The following MYH1 variants were observed in gnomAD, a reference collection of about 807,000 sequenced individuals.
MYH1 encodes the protein myosin-1.
In MYH1, 214 loss-of-function variants were observed where a neutral mutation model predicts 225.6. The observed-to-expected ratio is 0.95, with a 90% confidence interval of 0.85 to 1.06. MYH1 has a LOEUF of 1.06. MYH1 is among the 50% of genes least tolerant of loss of function. The pLI is 0.00. For missense variants in MYH1, 2,098 were observed against 2,344.2 expected (o/e 0.89, Z 2.17); for synonymous variants, 774 against 842.3 (o/e 0.92, Z 1.40).
intron 5 of MYH1, 123 bp from the exon 6 acceptor site, chr17:10,515,018 G>T (rs2073211398): frequency 1.2e-6 from 1 of 835,258 alleles, no homozygotes; most frequent in Non-Finnish European, 2.0e-6. Context: ...ATATATTATG[G>T]TAAAGTTATG....
At position 10,512,135 on chromosome 17, in the gene MYH1, A is replaced by G. The variant is rs140537021; in HGVS notation, c.1205T>C (p.Leu402Pro). Residue 402 changes from leucine to proline, a missense_variant, in exon 13 of 40, where the codon CTC (leucine) becomes CCC (proline). Coordinates refer to ENST00000226207, the MANE Select transcript of MYH1 (RefSeq NM_005963.4). ...GCCGACCTTGACCCTAGGGTAGCAGAGGGCTTTGAGCAGATCTGCAGAGTT... is the reference window on the plus strand; with the variant it reads ...GCCGACCTTGACCCTAGGGTAGCAGGGGGCTTTGAGCAGATCTGCAGAGTT... ...NLNSADLLKA[L>P]CYPRVKVGNE... is the part of the protein sequence containing the mutation. 1 of 1,614,062 alleles carries G rather than the reference A, an allele frequency of 6.2e-7. No homozygotes were observed. Among genetic ancestry groups the G allele is most frequent in the African/African-American group, 1.3e-5 (1 of 74,934 alleles).
In MYH1 at chr17:10,501,413, C is replaced by T. The variant is rs548825820; in HGVS notation, c.3435G>A (p.Arg1145=). 6.2e-7 allele frequency: 1 copy of T among 1,614,220 alleles called. No homozygotes were observed. The highest frequency in any genetic ancestry group is 1.3e-5 in the African/African-American group (1 of 75,062). The change falls in exon 27 of 40, where the codon CGG becomes CGA. Residue 1145 remains arginine, a synonymous_variant. Coordinates refer to ENST00000226207, the MANE Select transcript of MYH1 (RefSeq NM_005963.4). ...GCCTCTCGCTGATCTCCTCCAGCTC[C>T]CGGGAGAGATCAGAGCGCTGCTTCT... is the stretch of plus-strand genomic sequence containing the variant. ...KAEKQRSDLS[R]ELEEISERLE...
Position 10,508,472 on chromosome 17 carries a change from C to T in MYH1, c.1788G>A (p.Trp596Ter). Reference sequence around the variant, plus strand: ...TCAGGGGGTCCTTGTTCTTGTCAAGCCAGCCGGCAATGTTGTAGTCCACGG... The same window carrying T: ...TCAGGGGGTCCTTGTTCTTGTCAAGTCAGCCGGCAATGTTGTAGTCCACGG... ...AGTVDYNIAG[W>*]LDKNKDPLNE... The change falls in exon 16 of 40, where the codon TGG (tryptophan) becomes TGA (stop). Residue 596 changes from tryptophan to a stop codon, truncating the protein, a stop_gained. Transcript: ENST00000226207. LOFTEE classifies it high-confidence loss of function. 1 of 1,614,190 alleles carries T rather than the reference C, an allele frequency of 6.2e-7. No individual in the cohort carries two copies. The highest frequency in any genetic ancestry group is 8.5e-7 in the Non-Finnish European group (1 of 1,180,032).
chr17:10,515,837 G>A (rs1166261575), intron 5 of MYH1, 89 bp downstream of exon 5: 2 of 1,602,560 alleles, frequency 1.2e-6, no homozygotes, highest in African/African-American at 2.7e-5. Context: ...CGTGAATTGG[G>A]TTTTTTTCTA....
intron 12 of MYH1, 60 bp downstream of exon 12, chr17:10,512,348 T>G: frequency 5.0e-6 from 8 of 1,613,714 alleles, no homozygotes; most frequent in Non-Finnish European, 6.8e-6. Flanking sequence ...ACTTGAATTT[T>G]GGAATGGACA....
rs2073100864 is a variant in MYH1, at chr17:10,505,370, G to A, written c.2298+18C>T. ...AAAGGGACAGGAATAGCATCAGGTA[G>A]GATTTACAGAATATTACCTTGGTGT... On this transcript the variant is annotated intron_variant, in intron 20 of 39. Coordinates refer to ENST00000226207, the MANE Select transcript of MYH1 (RefSeq NM_005963.4). The A allele has an allele frequency of 6.2e-7, 1 of 1,614,088 alleles. No individual in the cohort carries two copies. Among genetic ancestry groups the A allele is most frequent in the Admixed American group, 1.7e-5 (1 of 59,998 alleles).
rs773412810 is a variant in MYH1, at chr17:10,516,348, C to T, written c.205-6G>A. 2 of 1,613,970 alleles carry T rather than the reference C, an allele frequency of 1.2e-6. No individual in the cohort carries two copies. Among genetic ancestry groups the T allele is most frequent in the African/African-American group, 2.7e-5 (2 of 74,896 alleles). On this transcript the variant is annotated splice_region_variant and splice_polypyrimidine_tract_variant and intron_variant, in intron 3 of 39. Coordinates refer to ENST00000226207, the MANE Select transcript of MYH1 (RefSeq NM_005963.4). ...TCATCTTTCACTGTTACAGTCTGTC[C>T]AGTCAAACAAGAGAGGCCAGATCAA... is the stretch of plus-strand genomic sequence containing the variant.
At chr17:10,494,112 T>A (rs532470877) in intron 39 of MYH1, among the ~76,000 whole-genome samples, 19 of 152,288 alleles carry the variant, frequency 1.2e-4, no homozygotes, top group African/African-American at 4.6e-4. Flanking sequence ...TTCCTCCTTT[T>A]TTTGTCTGCT....
Position 10,516,048 on chromosome 17 carries a change from G to A in MYH1, c.383C>T (p.Pro128Leu), listed in dbSNP as rs1224516046. 2 of 1,613,980 alleles carry A rather than the reference G, an allele frequency of 1.2e-6. No individual in the cohort carries two copies. Among genetic ancestry groups the A allele is most frequent in the East Asian group, 2.2e-5 (1 of 44,890 alleles). Residue 128 changes from proline to leucine, a missense_variant, in exon 5 of 40, where the codon CCC becomes CTC. By Grantham distance (98) the Pro-to-Leu change is moderately conservative. Coordinates refer to ENST00000226207, the MANE Select transcript of MYH1 (RefSeq NM_005963.4). Reference protein sequence around the residue: ...YSGLFCVTVNPYKWLPVYNAE... With the variant: ...YSGLFCVTVNLYKWLPVYNAE... ...ATTATACACTGGCAACCACTTGTAG[G>A]GGTTGACAGTGACACAGAACAAGCC...
intron 27 of MYH1, 119 bp downstream of exon 27, chr17:10,500,991 C>G: frequency 6.7e-7 from 1 of 1,490,596 alleles, no homozygotes; most frequent in Admixed American, 1.9e-5. Context: ...TTGTACTATA[C>G]GTGATATGAG....
At chr17:10,494,507 T>G (rs1192877368) in intron 38 of MYH1, 58 bp from the exon 39 acceptor site, 1 of 1,610,532 alleles carries the variant, frequency 6.2e-7, no homozygotes. Context: ...CATTTTGTCA[T>G]ACATATGACT....
rs754679000 is a variant in MYH1 at position 10,504,991 on chromosome 17, T to C, written c.2510A>G (p.Tyr837Cys). 1.9e-6 allele frequency: 3 copies of C among 1,613,098 alleles called. No homozygotes were observed. In the South Asian group the frequency reaches 3.3e-5, roughly 18 times the overall value. ...NVKHWPWMKL[Y>C]FKIKPLLKSA... ...TTTGAGGAGGGGTTTGATCTTGAAA[T>C]ACAGCTTCATCCAGGGCCAGTGCTT... is the stretch of plus-strand genomic sequence containing the variant. The change falls in exon 22 of 40, where the codon TAT becomes TGT. Residue 837 changes from tyrosine to cysteine, a missense_variant. Transcript: ENST00000226207.
Position 10,501,661 on chromosome 17 carries a change from A to C in MYH1, c.3281T>G (p.Leu1094Arg). Residue 1094 changes from leucine (L) to arginine (R), a missense_variant, in exon 26 of 40, where the codon CTG (leucine) becomes CGG (arginine). Leu to Arg is a moderately radical substitution (Grantham distance 102). Transcript: ENST00000226207. ...TTGTTCATCTTCAATCTTGCTTTGC[A>C]GACCGCTCATTTCAAACTCTTTCCT... is the stretch of plus-strand genomic sequence containing the variant. ...LKKKEFEMSG[L>R]QSKIEDEQAL... is the part of the protein sequence containing the mutation. 4.3e-6 allele frequency: 7 copies of C among 1,614,236 alleles called. No homozygotes were observed. The highest frequency in any genetic ancestry group is 5.9e-6 in the Non-Finnish European group (7 of 1,180,034).
In MYH1 at chr17:10,501,125, A is replaced by C; in HGVS notation, c.3723T>G (p.Thr1241=). ...TTGATTGTACCTTGGCTTTGGAGACAGTCTCCATGTTACTAGCAAGGTCAT... is the reference window on the plus strand; with the variant it reads ...TTGATTGTACCTTGGCTTTGGAGACCGTCTCCATGTTACTAGCAAGGTCAT... ...EIDDLASNME[T]VSKAKGNLEK... Residue 1241 remains threonine, a synonymous_variant, in exon 27 of 40, where the codon ACT becomes ACG. Transcript: ENST00000226207. The C allele has an allele frequency of 6.2e-7, 1 of 1,613,924 alleles. No individual in the cohort carries two copies. Among genetic ancestry groups the C allele is most frequent in the Non-Finnish European group, 8.5e-7 (1 of 1,179,784 alleles).
Position 10,515,981 on chromosome 17 carries a change from C to T in MYH1, c.450G>A (p.Glu150=). 2.5e-6 allele frequency: 4 copies of T among 1,614,180 alleles called. No individual in the cohort carries two copies. Among genetic ancestry groups the T allele is most frequent in the Non-Finnish European group, 3.4e-6 (4 of 1,180,036 alleles). The change falls in exon 5 of 40, where the codon GAG becomes GAA. Residue 150 remains glutamate (E), a synonymous_variant. Transcript: ENST00000226207. ...VTAYRGKKRQ[E]APPHIFSISD... ...AGATGGAGAAGATGTGGGGTGGGGC[C>T]TCCTGGCGCTTTTTGCCTCGGTAGG... is the stretch of plus-strand genomic sequence containing the variant.
Position 10,516,505 on chromosome 17 carries a change from G to A in MYH1, c.138C>T (p.Ser46=), listed in dbSNP as rs750192017. 1 of 1,614,190 alleles carries A rather than the reference G, an allele frequency of 6.2e-7. No individual in the cohort carries two copies. The change falls in exon 3 of 40, where the codon TCC becomes TCT. Residue 46 remains serine, a synonymous_variant. Coordinates refer to ENST00000226207, the MANE Select transcript of MYH1 (RefSeq NM_005963.4). Reference sequence around the variant, plus strand: ...TGCTCTGCACTGTTGCTTTCACAAAGGACTCCTTAGGGTCCACCACAAAGA... The same window carrying A: ...TGCTCTGCACTGTTGCTTTCACAAAAGACTCCTTAGGGTCCACCACAAAGA... ...TSVFVVDPKE[S]FVKATVQSRE... is the part of the protein sequence containing the mutation.
chr17:10,497,281 T>C lies in MYH1; in HGVS notation c.4531+6A>G, dbSNP rs71360265. 89,232 of 1,597,296 alleles carry C rather than the reference T, an allele frequency of 0.056. 2,957 individuals carry two copies. The highest frequency in any genetic ancestry group is 0.11 in the South Asian group (9,604 of 86,530). Reference sequence around the variant, plus strand: ...TATTGTTAAAGAAAAGGTAAAATGTTCTCACGTTGCAAATTCTTATTTTCC... The same window carrying C: ...TATTGTTAAAGAAAAGGTAAAATGTCCTCACGTTGCAAATTCTTATTTTCC... On this transcript the variant is annotated splice_donor_region_variant and intron_variant, in intron 32 of 39. Transcript: ENST00000226207.
At position 10,499,043 on chromosome 17, in the gene MYH1, G is replaced by C. The variant is rs760109841; in HGVS notation, c.3915C>G (p.Leu1305=). The C allele has an allele frequency of 6.2e-7, 1 of 1,614,114 alleles. No homozygotes were observed. The highest frequency in any genetic ancestry group is 1.7e-5 in the Admixed American group (1 of 60,016). ...GTGTAAAGGCTTGTTTGCCCCTCGA[G>C]AGCTGTGAAACTAGTGTGTCCTTTT... ...LDEKDTLVSQ[L]SRGKQAFTQQ... The change falls in exon 29 of 40, where the codon CTC becomes CTG. Residue 1305 remains leucine (L), a synonymous_variant. Transcript: ENST00000226207.
rs753113070 is a variant in MYH1, at chr17:10,505,184, TA to T, written c.2413del (p.Tyr805ThrfsTer22). ...ATACCTTCTTTCCACCATTTTCTGG[TA>T]CTCCACTCTTGCCAAGAACCCTCTG... ...MCRGFLARVE[Y>X]QKMVERRESI... On this transcript the variant is annotated frameshift_variant, in exon 21 of 40. Coordinates refer to ENST00000226207, the MANE Select transcript of MYH1 (RefSeq NM_005963.4). LOFTEE classifies it high-confidence loss of function. 3.1e-6 allele frequency: 5 copies of T among 1,614,204 alleles called. No homozygotes were observed. The highest frequency in any genetic ancestry group is 2.5e-6 in the Non-Finnish European group (3 of 1,180,034).
Sources: gnomAD v4.1 joint callset for allele counts (sites outside exome capture counted in the v4.1 genomes callset) on GRCh38, gnomAD v4.1.1 for gene constraint, MANE v1.5 for transcripts, NCBI Gene and HGNC (gene_info 2026-07-23, HGNC 2026-07-21) for gene names.